EXOC6: variants seen among roughly 807,000 people sequenced by gnomAD.
The protein encoded by EXOC6 is exocyst complex component 6, also known as SEC15-like 1.
Under a neutral mutation model 112.5 loss-of-function variants are expected in EXOC6, and 60 were observed. That is an observed-to-expected ratio of 0.53 (90% CI 0.43 to 0.66). EXOC6 has a LOEUF of 0.66. Among genes scored for constraint, EXOC6 ranks in the 30% least tolerant of loss-of-function variants. The probability of loss-of-function intolerance (pLI) is 0.00; values close to 1 mark genes in which losing one functional copy is unlikely to be tolerated. For missense variants in EXOC6, 855 were observed against 957.1 expected, an observed-to-expected ratio of 0.89 and a Z score of 1.41; for synonymous variants, 295 against 308.0, an observed-to-expected ratio of 0.96 and a Z score of 0.44.
intron 20 of EXOC6, among the ~76,000 whole-genome samples, chr10:93,048,055 C>CTAT (rs1283836851): frequency 1.3e-5 from 2 of 152,132 alleles, no homozygotes; most frequent in Admixed American, 6.5e-5. Flanking sequence ...TCATGTATGA[C>CTAT]CTACATGAAG....
intron 13 of EXOC6, among the ~76,000 whole-genome samples, chr10:92,942,107 C>T (rs1387584426): frequency 2.6e-5 from 4 of 152,062 alleles, no homozygotes; most frequent in African/African-American, 7.2e-5. Flanking sequence ...TAGAAATTTT[C>T]GAACAGGGTG....
chr10:92,994,902 T>A (rs2033553409), intron 18 of EXOC6, among the ~76,000 whole-genome samples: 1 of 151,948 alleles, frequency 6.6e-6, no homozygotes, highest in African/African-American at 2.4e-5. Flanking sequence ...TCTAAAAATA[T>A]GTAGTACATG....
intron 20 of EXOC6, among the ~76,000 whole-genome samples, chr10:93,029,989 A>C (rs1845201098): frequency 6.6e-6 from 1 of 151,460 alleles, no homozygotes; most frequent in South Asian, 2.1e-4. Context: ...GCTCACTGCA[A>C]CCTCTGCCTC....
intron 9 of EXOC6, among the ~76,000 whole-genome samples, chr10:92,931,663 A>T (rs1386777429): frequency 1.3e-5 from 2 of 151,694 alleles, no homozygotes; most frequent in African/African-American, 4.8e-5. Flanking sequence ...AGATAAACTG[A>T]TGGCAAATAA....
chr10:92,862,034 T>C (rs1353683618), intron 1 of EXOC6, among the ~76,000 whole-genome samples: 2 of 152,236 alleles, frequency 1.3e-5, no homozygotes, highest in African/African-American at 4.8e-5. Context: ...AAAATGTGTA[T>C]TTCAGTGACA....
chr10:92,852,397 T>G (rs1847394596), intron 1 of EXOC6, among the ~76,000 whole-genome samples: 1 of 152,116 alleles, frequency 6.6e-6, no homozygotes, highest in Admixed American at 6.5e-5. Flanking sequence ...ATACCAGAAC[T>G]AAAGAAAGAA....
intron 5 of EXOC6, among the ~76,000 whole-genome samples, chr10:92,908,275 G>A (rs544572466): frequency 2.0e-4 from 30 of 151,694 alleles, no homozygotes; most frequent in Non-Finnish European, 3.5e-4. Flanking sequence ...GGCTGGTCTC[G>A]AATTCTTGAT....
intron 1 of EXOC6, among the ~76,000 whole-genome samples, chr10:92,849,842 GGA>G (rs1184984091): frequency 6.6e-6 from 1 of 152,064 alleles, no homozygotes; most frequent in African/African-American, 2.4e-5. Flanking sequence ...AATGGGGAGG[GGA>G]GAGTATTCAG....
At chr10:92,917,694 TA>T (rs925015601) in intron 7 of EXOC6, among the ~76,000 whole-genome samples, 25 of 149,010 alleles carry the variant, frequency 1.7e-4, no homozygotes, top group African/African-American at 1.2e-4. Flanking sequence ...CCTGGCTAAT[TA>T]AAAAAAAAAA....
intron 18 of EXOC6, among the ~76,000 whole-genome samples, chr10:92,982,282 T>C (rs1842854935): frequency 6.6e-6 from 1 of 152,002 alleles, no homozygotes; most frequent in African/African-American, 2.4e-5. Flanking sequence ...TTAACAGGAG[T>C]ATTCCTCTGA....
chr10:92,835,418 C>T (rs1012583691), intron 1 of EXOC6, among the ~76,000 whole-genome samples: 3 of 152,110 alleles, frequency 2.0e-5, no homozygotes, highest in African/African-American at 7.2e-5. Context: ...AAATGAAAAA[C>T]TATGTGTCAT....
chr10:92,842,854 T>C (rs1846907009), intron 1 of EXOC6, among the ~76,000 whole-genome samples: 1 of 152,110 alleles, frequency 6.6e-6, no homozygotes, highest in Non-Finnish European at 1.5e-5. Context: ...GTTGGCAACA[T>C]AATTTGTGGG....
intron 17 of EXOC6, among the ~76,000 whole-genome samples, chr10:92,964,180 A>G (rs1034216215): frequency 1.3e-5 from 2 of 151,840 alleles, no homozygotes; most frequent in African/African-American, 4.8e-5. Context: ...TATAAAGAAT[A>G]AAACAACTTC....
At chr10:93,048,472 C>T (rs1012290600) in intron 20 of EXOC6, among the ~76,000 whole-genome samples, 1 of 150,164 alleles carries the variant, frequency 6.7e-6, no homozygotes, top group Admixed American at 6.7e-5. Context: ...AACCTCGTCT[C>T]TAATACCTAA....
chr10:92,909,793 T>A (rs971593411), intron 6 of EXOC6, among the ~76,000 whole-genome samples, 162 bp downstream of exon 6: 1 of 152,256 alleles, frequency 6.6e-6, no homozygotes, highest in African/African-American at 2.4e-5. Context: ...AGTGTTTTCT[T>A]TGGCTTCACA....
chr10:92,943,145 A>G (rs1366634193), intron 13 of EXOC6, among the ~76,000 whole-genome samples: 2 of 151,180 alleles, frequency 1.3e-5, no homozygotes, highest in Non-Finnish European at 2.9e-5. Context: ...CAGCCTCCCT[A>G]GTAGCTGGGA....
chr10:92,828,797 C>G (rs1846427207), intron 1 of EXOC6, among the ~76,000 whole-genome samples: 1 of 149,356 alleles, frequency 6.7e-6, no homozygotes, highest in Non-Finnish European at 1.5e-5. Context: ...GGAGGGAAAA[C>G]TCCAACTCCG....
At chr10:92,968,182 CTTTTTT>C (rs10593908) in intron 17 of EXOC6, among the ~76,000 whole-genome samples, 1 of 135,372 alleles carries the variant, frequency 7.4e-6, no homozygotes. Flanking sequence ...AGTGTTTCAC[CTTTTTT>C]TTTTTTTTTT....
Position 92,837,097 on chromosome 10 carries a change from A to ACACAC in EXOC6, c.86+2273_86+2274insCACAC, listed in dbSNP as rs112851564. ...CTTTAGCCTGAAATGGTTATAACATAACACACACACACACACACACACACA... is the reference window on the plus strand; with the variant it reads ...CTTTAGCCTGAAATGGTTATAACATACACACACACACACACACACACACACACACA... On this transcript the variant is annotated intron_variant, in intron 1 of 21. Coordinates refer to the EXOC6 transcript ENST00000371552. Among the ~76,000 whole-genome samples, 9 of 139,854 alleles carry ACACAC rather than the reference A, an allele frequency of 6.4e-5. No individual in the cohort carries two copies. The South Asian group carries it at 9.4e-4, about 15-fold the overall frequency. The allele number at this position is 139,854 out of a possible 152,430, so 91.7% of individuals were successfully genotyped here.
Sources: gnomAD v4.1 joint callset for allele counts (sites outside exome capture counted in the v4.1 genomes callset) on GRCh38, gnomAD v4.1.1 for gene constraint, MANE v1.5 for transcripts, NCBI Gene and HGNC (gene_info 2026-07-23, HGNC 2026-07-21) for gene names.